CAMK2G: variants seen among roughly 807,000 people sequenced by gnomAD.
The protein encoded by CAMK2G is calcium/calmodulin-dependent protein kinase type II subunit gamma.
Under a neutral mutation model 88.7 loss-of-function variants are expected in CAMK2G, and 23 were observed. That is an observed-to-expected ratio of 0.26 (90% CI 0.19 to 0.37). CAMK2G has a LOEUF of 0.37. CAMK2G is among the 10% of genes least tolerant of loss of function. The pLI, the probability that CAMK2G is intolerant of heterozygous loss-of-function variation, is 1.00. For missense variants in CAMK2G, 476 were observed against 780.8 expected (o/e 0.61, Z 4.65); for synonymous variants, 263 against 294.8 (o/e 0.89, Z 1.11).
chr10:73,865,879 C>G (rs561382858), intron 2 of CAMK2G, among the ~76,000 whole-genome samples: 8 of 152,024 alleles, frequency 5.3e-5, no homozygotes, highest in South Asian at 2.1e-4. Flanking sequence ...ACAGCCCAGC[C>G]CCCCCCTTCC....
chr10:73,835,088 A>AGGAGATG (rs2093033785), intron 14 of CAMK2G, among the ~76,000 whole-genome samples: 1 of 151,958 alleles, frequency 6.6e-6, no homozygotes, highest in South Asian at 2.1e-4. Flanking sequence ...TACTCCCTCA[A>AGGAGATG]GCTCAATTCC....
chr10:73,839,741 G>T lies in CAMK2G; in HGVS notation c.947-140C>A. 2.3e-6 allele frequency: 1 copy of T among 432,404 alleles called. No individual in the cohort carries two copies. The highest frequency in any genetic ancestry group is 3.9e-6 in the Non-Finnish European group (1 of 258,924). The allele number at this position is 432,404 out of a possible 1,614,324, so 26.8% of individuals were successfully genotyped here. On this transcript the variant is annotated intron_variant, in intron 12 of 22. Coordinates refer to ENST00000423381, the MANE Select transcript of CAMK2G (RefSeq NM_001367534.1). The surrounding 1 kb of genome is among the most constrained non-coding windows in gnomAD (Gnocchi z 4.2). ...TGGGGGAGCGGAGCGCCAGGGGCAG[G>T]CTGAGGAGGTAGGCGCAGCCAGCCC...
At chr10:73,863,133 C>T (rs1466807507) in intron 2 of CAMK2G, among the ~76,000 whole-genome samples, 1 of 152,226 alleles carries the variant, frequency 6.6e-6, no homozygotes, top group Non-Finnish European at 1.5e-5. Context: ...CTAGCAACAG[C>T]TCTACTTTGT....
chr10:73,861,200 T>C (rs1189940808), intron 2 of CAMK2G, among the ~76,000 whole-genome samples: 1 of 152,134 alleles, frequency 6.6e-6, no homozygotes, highest in East Asian at 1.9e-4. Flanking sequence ...GCCAGATAGA[T>C]AGTTATGACC....
chr10:73,862,391 G>A (rs1431865124), intron 2 of CAMK2G, among the ~76,000 whole-genome samples: 2 of 151,608 alleles, frequency 1.3e-5, no homozygotes, highest in Non-Finnish European at 2.9e-5. Flanking sequence ...TTCGAAGGGC[G>A]GGGGTACCTT....
rs2136116207 is a variant in CAMK2G, at chr10:73,874,420, G to A, written c.42C>T (p.Tyr14=). 3 of 1,516,506 alleles carry A rather than the reference G, an allele frequency of 2.0e-6. No homozygotes were observed. Among genetic ancestry groups the A allele is most frequent in the East Asian group, 5.3e-5 (2 of 37,816 alleles). 93.9% of individuals were successfully genotyped at this position (1,516,506 alleles called of 1,614,324 possible). A position where few individuals can be genotyped will look rare whatever the true frequency, so the allele number is the denominator to read the frequency against. Residue 14 remains tyrosine, a synonymous_variant, in exon 1 of 23, where the codon TAC becomes TAT. Coordinates refer to ENST00000423381, the MANE Select transcript of CAMK2G (RefSeq NM_001367534.1). ...ACTTGCCAAGCTCCTCGAAGAGCTGGTAGTCGTCGGTGAAACGGGTGCAGG... is the reference window on the plus strand; with the variant it reads ...ACTTGCCAAGCTCCTCGAAGAGCTGATAGTCGTCGGTGAAACGGGTGCAGG... ...TATCTRFTDD[Y]QLFEELGKGA...
chr10:73,846,087 A>G (rs1328653012), intron 10 of CAMK2G, among the ~76,000 whole-genome samples: 1 of 151,744 alleles, frequency 6.6e-6, no homozygotes, highest in South Asian at 2.1e-4. Flanking sequence ...CTGGCAATTC[A>G]TTTCCTCACA....
At chr10:73,838,679 T>C (rs1158821929) in intron 13 of CAMK2G, among the ~76,000 whole-genome samples, 1 of 152,192 alleles carries the variant, frequency 6.6e-6, no homozygotes, top group Non-Finnish European at 1.5e-5. Context: ...TGATCTTATC[T>C]TGTCGTGCTG....
Position 73,862,655 on chromosome 10 carries a change from G to A in CAMK2G, c.161-1766C>T, listed in dbSNP as rs1471217586. On this transcript the variant is annotated intron_variant, in intron 2 of 22. Coordinates refer to ENST00000423381, the MANE Select transcript of CAMK2G (RefSeq NM_001367534.1). Reference sequence around the variant, plus strand: ...AACACGAACAGGCAGTGATGCAGGTGGTCTGAGCCTAGAGCCCTCTTTCTC... The same window carrying A: ...AACACGAACAGGCAGTGATGCAGGTAGTCTGAGCCTAGAGCCCTCTTTCTC... Among the ~76,000 whole-genome samples, 3 of 152,206 alleles carry A rather than the reference G, an allele frequency of 2.0e-5. No homozygotes were observed. The East Asian group carries it at 5.8e-4, about 29-fold the overall frequency.
intron 3 of CAMK2G, among the ~76,000 whole-genome samples, chr10:73,860,443 T>C (rs1215834945): frequency 6.6e-6 from 1 of 151,968 alleles, no homozygotes. Flanking sequence ...CTCTTTCAGG[T>C]CCACAAACAA....
chr10:73,863,465 G>A (rs1291723989), intron 2 of CAMK2G, among the ~76,000 whole-genome samples: 1 of 152,168 alleles, frequency 6.6e-6, no homozygotes, highest in Non-Finnish European at 1.5e-5. Flanking sequence ...TCCATCCCTG[G>A]ACTTGAGATG....
Position 73,839,657 on chromosome 10 carries a change from G to T in CAMK2G, c.947-56C>A. The T allele has an allele frequency of 1.9e-6, 2 of 1,080,642 alleles. No individual in the cohort carries two copies. Among genetic ancestry groups the T allele is most frequent in the South Asian group, 4.7e-5 (1 of 21,322 alleles). 66.9% of individuals were successfully genotyped at this position (1,080,642 alleles called of 1,614,324 possible). On this transcript the variant is annotated intron_variant, in intron 12 of 22. Coordinates refer to ENST00000423381, the MANE Select transcript of CAMK2G (RefSeq NM_001367534.1). The surrounding 1 kb of genome is among the most constrained non-coding windows in gnomAD (Gnocchi z 4.2). ...GCCCCGCAAAGCCACGGGGCCGTCA[G>T]CAGCGAGCATGCCCCAGCGCGAGGC... is the stretch of plus-strand genomic sequence containing the variant.
At chr10:73,852,022 CAGGCATG>C (rs1286317499) in intron 5 of CAMK2G, among the ~76,000 whole-genome samples, 1 of 152,198 alleles carries the variant, frequency 6.6e-6, no homozygotes, top group Middle Eastern at 3.2e-3. Context: ...GCTGGGATTA[CAGGCATG>C]AGCCACTGCG....
At chr10:73,853,004 G>C (rs959672244) in intron 4 of CAMK2G, among the ~76,000 whole-genome samples, 188 bp downstream of exon 4, 2 of 152,188 alleles carry the variant, frequency 1.3e-5, no homozygotes, top group African/African-American at 2.4e-5. Flanking sequence ...AGAGCCCTGG[G>C]GGGACGCTGG....
At chr10:73,831,037 T>G (rs891499397) in intron 14 of CAMK2G, among the ~76,000 whole-genome samples, 1 of 152,204 alleles carries the variant, frequency 6.6e-6, no homozygotes, top group Admixed American at 6.5e-5. Context: ...AAACCTTGAC[T>G]TTGAGAGAGC....
intron 10 of CAMK2G, among the ~76,000 whole-genome samples, chr10:73,845,208 C>G (rs1356064513): frequency 1.3e-5 from 2 of 152,170 alleles, no homozygotes; most frequent in African/African-American, 4.8e-5. Context: ...AGCTTCTTTT[C>G]TAATCTCTAG....
chr10:73,818,345 C>A (rs936142885), intron 19 of CAMK2G: 1 of 242,728 alleles, frequency 4.1e-6, no homozygotes, highest in Non-Finnish European at 8.4e-6. Flanking sequence ...CCCAACCCAT[C>A]CAAAGCCAAG....
chr10:73,863,829 G>C (rs2095480578), intron 2 of CAMK2G, among the ~76,000 whole-genome samples: 1 of 152,194 alleles, frequency 6.6e-6, no homozygotes, highest in African/African-American at 2.4e-5. Context: ...TAGCCTCTTA[G>C]TTCAGCCTTA....
At chr10:73,857,477 G>A (rs2095121801) in intron 3 of CAMK2G, among the ~76,000 whole-genome samples, 1 of 152,190 alleles carries the variant, frequency 6.6e-6, no homozygotes, top group Non-Finnish European at 1.5e-5. Context: ...GCTTCTCCAA[G>A]TATTGACAGG....
Sources: allele counts gnomAD v4.1 joint callset (sites outside exome capture counted in the v4.1 genomes callset), GRCh38; gene constraint gnomAD v4.1.1; non-coding constraint Gnocchi (gnomAD v3.1); transcripts MANE v1.5; gene names NCBI Gene and HGNC (gene_info 2026-07-23, HGNC 2026-07-21).